S100PBP: variants seen among roughly 807,000 people sequenced by gnomAD.
The protein encoded by S100PBP is S100P-binding protein.
A neutral mutation model predicts 39.9 loss-of-function variants in S100PBP; 15 were observed. The observed-to-expected ratio is 0.38, with a 90% CI of 0.25 to 0.58. S100PBP has a LOEUF of 0.58. Ranked by LOEUF, S100PBP falls within the 20% of genes least tolerant of loss-of-function variation. The pLI is 0.70. For missense variants in S100PBP, 504 were observed against 487.3 expected (o/e 1.03, Z -0.32); for synonymous variants, 178 against 180.3 (o/e 0.99, Z 0.10).
At chr1:32,832,278 A>C (rs1004699571) in intron 5 of S100PBP, among the ~76,000 whole-genome samples, 2 of 5,080 alleles carry the variant, frequency 3.9e-4, no homozygotes, top group African/African-American at 5.4e-4. Context: ...TTCATACTGA[A>C]GTTTTTTTTT....
chr1:32,831,896 C>T (rs952917160), intron 5 of S100PBP, among the ~76,000 whole-genome samples: 1 of 152,064 alleles, frequency 6.6e-6, no homozygotes, highest in African/African-American at 2.4e-5. Context: ...TAAAATTTCC[C>T]AAGAAAAGCA....
chr1:32,840,608 C>T lies in S100PBP; in HGVS notation c.1024+10541C>T, dbSNP rs139560474. 5.0e-3 allele frequency among the ~76,000 whole-genome samples: 760 copies of T among 151,762 alleles called. 8 individuals carry two copies. Among genetic ancestry groups the T allele is most frequent in the African/African-American group, 0.017 (716 of 41,426 alleles). ...CTGACCTCAGGTGATCCGCCTGCCTCGGCCTCCCAAAGTGCTGGGATTACA... is the reference window on the plus strand; with the variant it reads ...CTGACCTCAGGTGATCCGCCTGCCTTGGCCTCCCAAAGTGCTGGGATTACA... On this transcript the variant is annotated intron_variant, in intron 5 of 6. Transcript: ENST00000373475.
intron 5 of S100PBP, chr1:32,835,893 G>T (rs563101965): frequency 9.9e-5 from 15 of 151,732 alleles, no homozygotes; most frequent in African/African-American, 3.6e-4. Flanking sequence ...TCCACTTCTT[G>T]GCTATTGTGA....
At chr1:32,854,767 C>T (rs950817590) in intron 6 of S100PBP, among the ~76,000 whole-genome samples, 11 of 152,212 alleles carry the variant, frequency 7.2e-5, no homozygotes, top group Admixed American at 2.0e-4. Flanking sequence ...TGCTCACCGA[C>T]CTCATCTCCT....
intron 6 of S100PBP, among the ~76,000 whole-genome samples, chr1:32,854,494 A>G (rs929310230): frequency 7.9e-5 from 12 of 152,236 alleles, no homozygotes; most frequent in African/African-American, 2.9e-4. Context: ...GGTTAAATCC[A>G]TGGATGTAGA....
At chr1:32,851,567 G>A (rs1640609073) in intron 5 of S100PBP, among the ~76,000 whole-genome samples, 1 of 152,090 alleles carries the variant, frequency 6.6e-6, no homozygotes, top group Non-Finnish European at 1.5e-5. Context: ...TTAGGAGGCT[G>A]AGGCAGGAGA....
intron 5 of S100PBP, among the ~76,000 whole-genome samples, chr1:32,832,639 G>T (rs956380074): frequency 1.3e-5 from 2 of 152,108 alleles, no homozygotes; most frequent in African/African-American, 2.4e-5. Flanking sequence ...AAGGGCGGGG[G>T]TGGTATGTTC....
Position 32,830,009 on chromosome 1 carries a change from G to A in S100PBP, c.966G>A (p.Lys322=). Reference sequence around the variant, plus strand: ...CACAGTCAAATCTAGAACAGCAGAAGCAGCTTTATCTCAGGAGTGTCATTG... The same window carrying A: ...CACAGTCAAATCTAGAACAGCAGAAACAGCTTTATCTCAGGAGTGTCATTG... ...TFSQSNLEQQ[K]QLYLRSVIAH... Residue 322 remains lysine (K), a synonymous_variant, in exon 5 of 7, where the codon AAG becomes AAA. Coordinates refer to ENST00000373475, the MANE Select transcript of S100PBP (RefSeq NM_022753.4). The A allele has an allele frequency of 6.2e-7, 1 of 1,614,046 alleles. No individual in the cohort carries two copies. Among genetic ancestry groups the A allele is most frequent in the Non-Finnish European group, 8.5e-7 (1 of 1,179,960 alleles).
chr1:32,855,513 T>C (rs1201632908), intron 6 of S100PBP, among the ~76,000 whole-genome samples: 2 of 152,212 alleles, frequency 1.3e-5, no homozygotes, highest in Non-Finnish European at 2.9e-5. Context: ...AACCTTGAGC[T>C]GTGTCAGACA....
chr1:32,829,148 A>G (rs528872065), intron 4 of S100PBP, among the ~76,000 whole-genome samples: 1 of 152,376 alleles, frequency 6.6e-6, no homozygotes, highest in East Asian at 1.9e-4. Flanking sequence ...TCAAAAGCTC[A>G]CAACTCAGGC....
At chr1:32,831,305 A>G (rs1196068925) in intron 5 of S100PBP, among the ~76,000 whole-genome samples, 3 of 151,816 alleles carry the variant, frequency 2.0e-5, no homozygotes, top group Admixed American at 6.6e-5. Context: ...GTACAGTAGG[A>G]GCAGGGAAGG....
chr1:32,829,573 C>T (rs182354896), intron 4 of S100PBP, among the ~76,000 whole-genome samples: 1 of 152,126 alleles, frequency 6.6e-6, no homozygotes, highest in South Asian at 2.1e-4. Flanking sequence ...AGTCATCCTC[C>T]CTCCTCAGCC....
chr1:32,817,256 C>G, upstream of S100PBP: 1 of 1,613,928 alleles, frequency 6.2e-7, no homozygotes, highest in Admixed American at 1.7e-5. Context: ...GCTCCGCTAC[C>G]CCTGCTTCCC....
chr1:32,849,693 T>A (rs1210951215), intron 5 of S100PBP, among the ~76,000 whole-genome samples: 1 of 152,234 alleles, frequency 6.6e-6, no homozygotes, highest in African/African-American at 2.4e-5. Context: ...AGCCATTGTT[T>A]ACAAGAGACA....
chr1:32,826,515 T>C lies in S100PBP; in HGVS notation c.416T>C (p.Leu139Pro). Residue 139 changes from leucine (L) to proline (P), a missense_variant, in exon 3 of 7, where the codon CTA (leucine) becomes CCA (proline). Physicochemically the swap from Leu to Pro is moderately conservative, Grantham distance 98. Coordinates refer to ENST00000373475, the MANE Select transcript of S100PBP (RefSeq NM_022753.4). ...AAACCATTAAACAGACGCTCTGTAC[T>C]AGAAAAGAATCTTATAAAAGTAACT... ...HTKPLNRRSVLEKNLIKVTVA... is the reference protein window; with the variant it reads ...HTKPLNRRSVPEKNLIKVTVA... 6.2e-7 allele frequency: 1 copy of C among 1,614,132 alleles called. No individual in the cohort carries two copies. The highest frequency in any genetic ancestry group is 1.1e-5 in the South Asian group (1 of 91,088).
intron 5 of S100PBP, among the ~76,000 whole-genome samples, chr1:32,841,183 A>T (rs1169689704): frequency 2.6e-5 from 4 of 151,772 alleles, no homozygotes; most frequent in Non-Finnish European, 4.4e-5. Context: ...AATAAAAAAA[A>T]TTGGATTATT....
At chr1:32,836,738 C>T (rs1308105627) in intron 5 of S100PBP, 3 of 241,306 alleles carry the variant, frequency 1.2e-5, no homozygotes, top group African/African-American at 7.0e-5. Context: ...CTGCTGCCCT[C>T]CTGGGTTGAA....
At chr1:32,852,881 A>G (rs1055979913) in intron 5 of S100PBP, 198 bp from the exon 6 acceptor site, 6 of 524,380 alleles carry the variant, frequency 1.1e-5, no homozygotes, top group Non-Finnish European at 2.1e-5. Flanking sequence ...GGTGGCTGCT[A>G]TTATTGCTTC....
chr1:32,836,451 G>GTT, intron 5 of S100PBP: 1 of 778,138 alleles, frequency 1.3e-6, no homozygotes, highest in Non-Finnish European at 1.6e-6. Context: ...GTTTTTGTTT[G>GTT]TTTTTTTTTA....
Sources: gnomAD v4.1 joint callset for allele counts (sites outside exome capture counted in the v4.1 genomes callset) on GRCh38, gnomAD v4.1.1 for gene constraint, MANE v1.5 for transcripts, NCBI Gene and HGNC (gene_info 2026-07-23, HGNC 2026-07-21) for gene names.